Variants in LTB4R observed in about 807,000 individuals in gnomAD.
LTB4R encodes the protein leukotriene B4 receptor.
For synonymous variants in LTB4R, 250 were observed against 230.7 expected (o/e 1.08, Z -0.76); for missense variants, 470 against 485.6 (o/e 0.97, Z 0.30).
rs971927948 is a variant in LTB4R at position 24,317,690 on chromosome 14, C to G, written c.*980C>G. On this transcript the variant is annotated 3_prime_UTR_variant, in exon 2 of 2. Transcript: ENST00000345363. ...AAACCAAATATCCACATGCAACATC[C>G]GCAACAAATCTAGTATGTCAAGGTT... 1 of 166,584 alleles carries G rather than the reference C, an allele frequency of 6.0e-6. No homozygotes were observed. Among genetic ancestry groups the G allele is most frequent in the Non-Finnish European group, 1.5e-5 (1 of 68,050 alleles). The allele number at this position is 166,584 out of a possible 1,614,324, so 10.3% of individuals were successfully genotyped here. A position where few individuals can be genotyped will look rare whatever the true frequency, so the allele number is the denominator to read the frequency against.
rs1009665322 is a variant in LTB4R, at chr14:24,317,164, A to T, written c.*454A>T. The stretch of plus-strand genomic sequence containing the variant: ...AACGCAGTCTACAGACTCCTAAAGC[A>T]GCTTGTCTAGGAAGACCACCCATGT... On this transcript the variant is annotated 3_prime_UTR_variant, in exon 2 of 2. Transcript: ENST00000345363. 6.5e-5 allele frequency: 11 copies of T among 169,508 alleles called. No homozygotes were observed. The highest frequency in any genetic ancestry group is 2.6e-4 in the African/African-American group (11 of 41,558). The allele number at this position is 169,508 out of a possible 1,614,324, so 10.5% of individuals were successfully genotyped here.
At position 24,311,710 on chromosome 14, in the gene LTB4R, T is replaced by G; in HGVS notation, c.-110T>G. On this transcript the variant is annotated 5_prime_UTR_variant, in exon 1 of 2. An upstream start codon of the reference 5' UTR is lost. Coordinates refer to ENST00000345363, the MANE Select transcript of LTB4R (RefSeq NM_001143919.3). ...GGCAATGGAGACCCGGGGGGTGGGA[T>G]GGAGAAGGACGGTCCGGAATGGGAC... 6.2e-7 allele frequency: 1 copy of G among 1,604,594 alleles called. No individual in the cohort carries two copies.
In LTB4R at chr14:24,316,543, G is replaced by A. The variant is rs747444595; in HGVS notation, c.892G>A (p.Val298Met). ...AGGGLLRSAG[V>M]GFVAKLLEGT... ...CGGCGGCCTGCTGCGCTCGGCGGGC[G>A]TGGGCTTCGTCGCCAAGCTGCTGGA... The change falls in exon 2 of 2, where the codon GTG becomes ATG. Residue 298 changes from valine to methionine, a missense_variant. By Grantham distance (21) the Val-to-Met change is conservative (BLOSUM62 1). Transcript: ENST00000345363. 4 of 1,439,732 alleles carry A rather than the reference G, an allele frequency of 2.8e-6. No homozygotes were observed. Among genetic ancestry groups the A allele is most frequent in the East Asian group, 5.7e-5 (2 of 35,092 alleles). The allele number at this position is 1,439,732 out of a possible 1,614,324, so 89.2% of individuals were successfully genotyped here. A position where few individuals can be genotyped will look rare whatever the true frequency, so the allele number is the denominator to read the frequency against.
In LTB4R at chr14:24,311,809, G is replaced by A; in HGVS notation, c.-16+5G>A. 7.3e-7 allele frequency: 1 copy of A among 1,376,884 alleles called. No individual in the cohort carries two copies. The highest frequency in any genetic ancestry group is 9.8e-7 in the Non-Finnish European group (1 of 1,018,886). 85.3% of individuals were successfully genotyped at this position (1,376,884 alleles called of 1,614,324 possible). On this transcript the variant is annotated splice_donor_5th_base_variant and intron_variant, in intron 1 of 1. Transcript: ENST00000345363. ...CCCCCCACCCACCCTCCAGAGGTCA[G>A]TGTTCTGGGACATTTGGGGACCCTT...
At position 24,316,426 on chromosome 14, in the gene LTB4R, G is replaced by C; in HGVS notation, c.775G>C (p.Val259Leu). 1 of 1,575,072 alleles carries C rather than the reference G, an allele frequency of 6.3e-7. No individual in the cohort carries two copies. Among genetic ancestry groups the C allele is most frequent in the Non-Finnish European group, 8.6e-7 (1 of 1,163,814 alleles). The change falls in exon 2 of 2, where the codon GTG becomes CTG. Residue 259 changes from valine (V) to leucine (L), a missense_variant. Coordinates refer to ENST00000345363, the MANE Select transcript of LTB4R (RefSeq NM_001143919.3). ...CGGCCAGGCCGCCGGGTTAGGGCTCGTGGGGAAGCGGCTGAGCCTGGCCCG... is the reference window on the plus strand; with the variant it reads ...CGGCCAGGCCGCCGGGTTAGGGCTCCTGGGGAAGCGGCTGAGCCTGGCCCG... ...LAGQAAGLGL[V>L]GKRLSLARNV...
chr14:24,311,677 A>G lies in LTB4R; in HGVS notation c.-143A>G. 1 of 1,611,122 alleles carries G rather than the reference A, an allele frequency of 6.2e-7. No homozygotes were observed. The highest frequency in any genetic ancestry group is 8.5e-7 in the Non-Finnish European group (1 of 1,178,288). ...ACCCCTCAGCTGAAAGTGGTGGGGC[A>G]GGGCCGCGGCAATGGAGACCCGGGG... On this transcript the variant is annotated 5_prime_UTR_variant, in exon 1 of 2. Coordinates refer to ENST00000345363, the MANE Select transcript of LTB4R (RefSeq NM_001143919.3).
chr14:24,316,824 G>C lies in LTB4R; in HGVS notation c.*114G>C, dbSNP rs1411011642. On this transcript the variant is annotated 3_prime_UTR_variant, in exon 2 of 2. Coordinates refer to ENST00000345363, the MANE Select transcript of LTB4R (RefSeq NM_001143919.3). ...GCGTGGAGGGCGTGGGAGCGTGGGAGGCGGGAGTGGAGTGGAAGAAGAGGG... is the reference window on the plus strand; with the variant it reads ...GCGTGGAGGGCGTGGGAGCGTGGGACGCGGGAGTGGAGTGGAAGAAGAGGG... 11 of 855,062 alleles carry C rather than the reference G, an allele frequency of 1.3e-5. No individual in the cohort carries two copies. Among genetic ancestry groups the C allele is most frequent in the Non-Finnish European group, 1.8e-5 (11 of 600,632 alleles). 53.0% of individuals were successfully genotyped at this position (855,062 alleles called of 1,614,324 possible).
intron 1 of LTB4R, among the ~76,000 whole-genome samples, chr14:24,312,739 G>C (rs368435115): frequency 1.3e-5 from 2 of 152,190 alleles, no homozygotes; most frequent in South Asian, 2.1e-4. Flanking sequence ...AACGGTTCTA[G>C]ATCCTGACCC....
chr14:24,316,790 G>C lies in LTB4R; in HGVS notation c.*80G>C. 1 of 960,950 alleles carries C rather than the reference G, an allele frequency of 1.0e-6. No homozygotes were observed. The highest frequency in any genetic ancestry group is 1.4e-6 in the Non-Finnish European group (1 of 714,174). 59.5% of individuals were successfully genotyped at this position (960,950 alleles called of 1,614,324 possible). On this transcript the variant is annotated 3_prime_UTR_variant, in exon 2 of 2. Transcript: ENST00000345363. ...TTCAGTACCTGGAGGAGGAGCAGGG[G>C]CGTGGAGGGCGTGGAGGGCGTGGGA...
chr14:24,316,502 T>C lies in LTB4R; in HGVS notation c.851T>C (p.Leu284Pro). 2 of 1,514,756 alleles carry C rather than the reference T, an allele frequency of 1.3e-6. No individual in the cohort carries two copies. Among genetic ancestry groups the C allele is most frequent in the Non-Finnish European group, 1.8e-6 (2 of 1,137,612 alleles). The allele number at this position is 1,514,756 out of a possible 1,614,324, so 93.8% of individuals were successfully genotyped here. A position where few individuals can be genotyped will look rare whatever the true frequency, so the allele number is the denominator to read the frequency against. Residue 284 changes from leucine to proline, a missense_variant, in exon 2 of 2, where the codon CTG becomes CCG. Leu to Pro is a moderately conservative substitution (Grantham distance 98). Coordinates refer to ENST00000345363, the MANE Select transcript of LTB4R (RefSeq NM_001143919.3). ...AFLSSSVNPV[L>P]YACAGGGLLR... is the part of the protein sequence containing the mutation. ...CTGAGCAGCAGCGTGAACCCCGTGCTGTACGCGTGCGCCGGCGGCGGCCTG... is the reference window on the plus strand; with the variant it reads ...CTGAGCAGCAGCGTGAACCCCGTGCCGTACGCGTGCGCCGGCGGCGGCCTG...
At position 24,316,587 on chromosome 14, in the gene LTB4R, G is replaced by A. The variant is rs369807879; in HGVS notation, c.936G>A (p.Ala312=). The A allele has an allele frequency of 2.2e-4, 323 of 1,458,912 alleles. No individual in the cohort carries two copies. The African/African-American group carries it at 4.4e-3, about 20-fold the overall frequency. The allele number at this position is 1,458,912 out of a possible 1,614,324, so 90.4% of individuals were successfully genotyped here. ...AKLLEGTGSE[A]SSTRRGGSLG... ...TGCTGGAGGGCACGGGCTCCGAGGC[G>A]TCCAGCACGCGCCGCGGGGGCAGCC... Residue 312 remains alanine, a synonymous_variant, in exon 2 of 2, where the codon GCG becomes GCA. Transcript: ENST00000345363.
Position 24,316,310 on chromosome 14 carries a change from G to C in LTB4R, c.659G>C (p.Gly220Ala), listed in dbSNP as rs901682345. Residue 220 changes from glycine to alanine, a missense_variant, in exon 2 of 2, where the codon GGC (glycine) becomes GCC (alanine). Gly to Ala is a moderately conservative substitution (Grantham distance 60). Coordinates refer to ENST00000345363, the MANE Select transcript of LTB4R (RefSeq NM_001143919.3). ...ARRFRRSRRT[G>A]RLVVLIILTF... ...CGCTTCCGCCGCAGCCGCCGCACCG[G>C]CCGCCTGGTGGTGCTCATCATCCTG... is the stretch of plus-strand genomic sequence containing the variant. 4 of 1,601,828 alleles carry C rather than the reference G, an allele frequency of 2.5e-6. No individual in the cohort carries two copies. Among genetic ancestry groups the C allele is most frequent in the Non-Finnish European group, 3.4e-6 (4 of 1,175,726 alleles).
Position 24,315,662 on chromosome 14 carries a change from C to T in LTB4R, c.11C>T (p.Thr4Ile), listed in dbSNP as rs761762894. The T allele has an allele frequency of 1.2e-6, 2 of 1,613,544 alleles. No homozygotes were observed. The highest frequency in any genetic ancestry group is 2.2e-5 in the South Asian group (2 of 91,020). Residue 4 changes from threonine to isoleucine, a missense_variant, in exon 2 of 2, where the codon ACA (threonine) becomes ATA (isoleucine). Transcript: ENST00000345363. The stretch of plus-strand genomic sequence containing the variant: ...GTCCTCCCGACGGCCATGAACACTA[C>T]ATCTTCTGCAGCACCCCCCTCACTA... MNT[T>I]SSAAPPSLGV... is the part of the protein sequence containing the mutation.
At chr14:24,313,207 C>T (rs898328932) in intron 1 of LTB4R, 2 of 152,164 alleles carry the variant, frequency 1.3e-5, no homozygotes, top group Non-Finnish European at 2.9e-5. Flanking sequence ...CTGAAGGGGC[C>T]TCTGGTTGAC....
At position 24,316,764 on chromosome 14, in the gene LTB4R, G is replaced by A; in HGVS notation, c.*54G>A. The A allele has an allele frequency of 7.2e-7, 1 of 1,391,354 alleles. No homozygotes were observed. Among genetic ancestry groups the A allele is most frequent in the Non-Finnish European group, 9.5e-7 (1 of 1,051,348 alleles). 86.2% of individuals were successfully genotyped at this position (1,391,354 alleles called of 1,614,324 possible). A position where few individuals can be genotyped will look rare whatever the true frequency, so the allele number is the denominator to read the frequency against. On this transcript the variant is annotated 3_prime_UTR_variant, in exon 2 of 2. Transcript: ENST00000345363. ...CTGGCAGAATGCTAGCTCTGAGCCA[G>A]TTCAGTACCTGGAGGAGGAGCAGGG...
chr14:24,312,375 G>A (rs2139177923), intron 1 of LTB4R, among the ~76,000 whole-genome samples: 1 of 152,330 alleles, frequency 6.6e-6, no homozygotes, highest in Admixed American at 6.5e-5. Context: ...TGCCTGTCTT[G>A]TATTTGGTCC....
chr14:24,315,570 T>C (rs2041760064), intron 1 of LTB4R, 67 bp from the exon 2 acceptor site: 1 of 1,000,810 alleles, frequency 1.0e-6, no homozygotes, highest in Admixed American at 1.9e-5. Flanking sequence ...TCAGCCTAGG[T>C]GTGTCCATGG....
rs1187022517 is a variant in LTB4R, at chr14:24,315,924, C to T, written c.273C>T (p.Arg91=). 6.2e-6 allele frequency: 10 copies of T among 1,614,108 alleles called. No homozygotes were observed. Among genetic ancestry groups the T allele is most frequent in the Non-Finnish European group, 8.5e-6 (10 of 1,180,060 alleles). The change falls in exon 2 of 2, where the codon CGC becomes CGT. Residue 91 remains arginine, a synonymous_variant. Coordinates refer to ENST00000345363, the MANE Select transcript of LTB4R (RefSeq NM_001143919.3). The part of the protein sequence containing the change: ...GTWSFGLAGC[R]LCHYVCGVSM... The stretch of plus-strand genomic sequence containing the variant: ...GGAGTTTTGGACTGGCTGGTTGCCG[C>T]CTGTGTCACTATGTCTGCGGAGTCA...
Position 24,315,647 on chromosome 14 carries a change from C to T in LTB4R, c.-5C>T, listed in dbSNP as rs200157913. On this transcript the variant is annotated 5_prime_UTR_variant, in exon 2 of 2. In the 5' UTR this introduces an upstream ATG that the reference lacks. Transcript: ENST00000345363. ...GCCCTCACTCTCCAGGTCCTCCCGACGGCCATGAACACTACATCTTCTGCA... is the reference window on the plus strand; with the variant it reads ...GCCCTCACTCTCCAGGTCCTCCCGATGGCCATGAACACTACATCTTCTGCA... 27 of 1,609,972 alleles carry T rather than the reference C, an allele frequency of 1.7e-5. No homozygotes were observed. The highest frequency in any genetic ancestry group is 1.6e-4 in the Middle Eastern group (1 of 6,074).
Sources: gnomAD v4.1 joint callset for allele counts (sites outside exome capture counted in the v4.1 genomes callset) on GRCh38, gnomAD v4.1.1 for gene constraint, MANE v1.5 for transcripts, NCBI Gene and HGNC (gene_info 2026-07-23, HGNC 2026-07-21) for gene names.